The following ERCC3 variants were observed in gnomAD, a reference collection of about 807,000 sequenced individuals.
ERCC3 encodes the protein general transcription and DNA repair factor IIH helicase/translocase subunit XPB.
A neutral mutation model predicts 94.2 loss-of-function variants in ERCC3; 66 were observed. That is an observed-to-expected ratio of 0.70 (90% CI 0.57 to 0.86). ERCC3 has a LOEUF of 0.86. Among genes scored for constraint, ERCC3 ranks in the 40% least tolerant of loss-of-function variants. The pLI is 0.00. For missense variants in ERCC3, 829 were observed against 987.1 expected, an observed-to-expected ratio of 0.84 and a Z score of 2.15; for synonymous variants, 349 against 369.1, an observed-to-expected ratio of 0.95 and a Z score of 0.63.
chr2:127,273,346 T>C (rs140981638), intron 10 of ERCC3, among the ~76,000 whole-genome samples: 2 of 152,306 alleles, frequency 1.3e-5, no homozygotes, highest in East Asian at 3.9e-4. Flanking sequence ...AAGCAACTGT[T>C]TGCCAAGACA....
At chr2:127,273,016 A>G in intron 10 of ERCC3, 55 bp from the exon 11 acceptor site, 1 of 1,128,070 alleles carries the variant, frequency 8.9e-7, no homozygotes, top group Non-Finnish European at 1.4e-6. Flanking sequence ...GTTATCTTGA[A>G]AACACATCAG....
At chr2:127,265,855 T>C (rs1057301881) in intron 12 of ERCC3, among the ~76,000 whole-genome samples, 1 of 152,246 alleles carries the variant, frequency 6.6e-6, no homozygotes, top group Non-Finnish European at 1.5e-5. Context: ...TGTTCTTATT[T>C]TTCTAGTTCC....
rs140023882 is a variant in ERCC3 at position 127,257,706 on chromosome 2, T to G, written c.2239A>C (p.Met747Leu). 2.5e-6 allele frequency: 4 copies of G among 1,614,188 alleles called. No homozygotes were observed. Among genetic ancestry groups the G allele is most frequent in the Non-Finnish European group, 3.4e-6 (4 of 1,180,026 alleles). ...SSQASRRFGT[M>L]SSMSGADDTV... ...TCGTCGGCCCCAGACATAGAACTCA[T>G]GGTGCCAAAGCGCCGAGATGCCTGC... is the stretch of plus-strand genomic sequence containing the variant. Residue 747 changes from methionine to leucine, a missense_variant, in exon 15 of 15, where the codon ATG (methionine) becomes CTG (leucine). Coordinates refer to ENST00000285398, the MANE Select transcript of ERCC3 (RefSeq NM_000122.2). This position sits in a 1 kb window ranked among gnomAD's most constrained non-coding sequence, Gnocchi z 5.4.
chr2:127,268,798 T>G (rs539489197), intron 12 of ERCC3, among the ~76,000 whole-genome samples: 1 of 152,358 alleles, frequency 6.6e-6, no homozygotes, highest in South Asian at 2.1e-4. Context: ...CTTAGCAACC[T>G]TAGCATATGA....
chr2:127,285,536 T>C (rs1400702533), intron 8 of ERCC3, among the ~76,000 whole-genome samples: 1 of 151,922 alleles, frequency 6.6e-6, no homozygotes, highest in Non-Finnish European at 1.5e-5. Flanking sequence ...ACTAAAAATA[T>C]AAAATTAGCT....
rs2104782881 is a variant in ERCC3 at position 127,293,551 on chromosome 2, G to A, written c.196C>T (p.Pro66Ser). 1 of 1,614,186 alleles carries A rather than the reference G, an allele frequency of 6.2e-7. No homozygotes were observed. ...CTGGAGGTGTGGTCGTCCTTCAGCG[G>A]CATTTGCAGCCTGTAGTCCTTGGCT... The part of the protein sequence containing the change: ...YGAKDYRLQM[P>S]LKDDHTSRPL... The change falls in exon 2 of 15, where the codon CCG becomes TCG. Residue 66 changes from proline to serine, a missense_variant. Coordinates refer to ENST00000285398, the MANE Select transcript of ERCC3 (RefSeq NM_000122.2).
At chr2:127,265,240 G>A (rs747611335) in intron 12 of ERCC3, among the ~76,000 whole-genome samples, 1 of 152,090 alleles carries the variant, frequency 6.6e-6, no homozygotes. Flanking sequence ...GAAGTTGTAT[G>A]TTTCCAGGAA....
chr2:127,289,763 G>C lies in ERCC3; in HGVS notation c.583C>G (p.Arg195Gly), dbSNP rs138385061. ...IQHLLQDPVI[R>G]ECRLRNSEGE... ...TCAGAGTTTCTTAAGCGGCATTCTC[G>C]GATCACGGGGTCCTGGAGAAGATGC... Residue 195 changes from arginine to glycine, a missense_variant, in exon 5 of 15, where the codon CGA (arginine) becomes GGA (glycine). Arg to Gly is a moderately radical substitution (Grantham distance 125). Coordinates refer to ENST00000285398, the MANE Select transcript of ERCC3 (RefSeq NM_000122.2). 25 of 1,613,946 alleles carry C rather than the reference G, an allele frequency of 1.5e-5. No individual in the cohort carries two copies. The highest frequency in any genetic ancestry group is 1.8e-5 in the Non-Finnish European group (21 of 1,179,992).
Position 127,268,552 on chromosome 2 carries a change from C to T in ERCC3, c.1945+2784G>A, listed in dbSNP as rs1476822147. On this transcript the variant is annotated intron_variant, in intron 12 of 14. Coordinates refer to ENST00000285398, the MANE Select transcript of ERCC3 (RefSeq NM_000122.2). ...TGCTGGGATTACAGGTGTGAGCCGC[C>T]GTGCCCAGCCAGGATTTCTTTTCTT... Among the ~76,000 whole-genome samples the T allele has an allele frequency of 5.3e-5, 8 of 152,260 alleles. No individual in the cohort carries two copies. The East Asian group carries it at 9.7e-4, about 18-fold the overall frequency.
chr2:127,293,549 C>T lies in ERCC3; in HGVS notation c.198G>A (p.Pro66=), dbSNP rs1272535750. Residue 66 remains proline, a synonymous_variant, in exon 2 of 15, where the codon CCG becomes CCA. Coordinates refer to ENST00000285398, the MANE Select transcript of ERCC3 (RefSeq NM_000122.2). Reference sequence around the variant, plus strand: ...GCCTGGAGGTGTGGTCGTCCTTCAGCGGCATTTGCAGCCTGTAGTCCTTGG... The same window carrying T: ...GCCTGGAGGTGTGGTCGTCCTTCAGTGGCATTTGCAGCCTGTAGTCCTTGG... ...YGAKDYRLQM[P]LKDDHTSRPL... is the part of the protein sequence containing the mutation. 3.1e-6 allele frequency: 5 copies of T among 1,614,074 alleles called. No homozygotes were observed. The highest frequency in any genetic ancestry group is 2.2e-5 in the East Asian group (1 of 44,892).
chr2:127,294,076 G>A lies in ERCC3; in HGVS notation c.6C>T (p.Gly2=). The A allele has an allele frequency of 6.2e-7, 1 of 1,608,002 alleles. No individual in the cohort carries two copies. Among genetic ancestry groups the A allele is most frequent in the Non-Finnish European group, 8.5e-7 (1 of 1,179,570 alleles). Residue 2 remains glycine (G), a synonymous_variant, in exon 1 of 15, where the codon GGC becomes GGT. Transcript: ENST00000285398. ...CACCGCGGTCCGCTCGGTCTCTTTT[G>A]CCCATGGCAGCTACAGCAGCAGAGA... M[G]KRDRADRDKK...
rs143773427 is a variant in ERCC3 at position 127,258,224 on chromosome 2, T to G, written c.2218-497A>C. Among the ~76,000 whole-genome samples the G allele has an allele frequency of 2.3e-3, 353 of 152,286 alleles. 1 individual carries two copies. The highest frequency in any genetic ancestry group is 7.7e-3 in the African/African-American group (320 of 41,562). Reference sequence around the variant, plus strand: ...CTGGGATTACAGACATGAGCCACCATGCCTGGCCTGAACAGAATTTTTTAA... The same window carrying G: ...CTGGGATTACAGACATGAGCCACCAGGCCTGGCCTGAACAGAATTTTTTAA... On this transcript the variant is annotated intron_variant, in intron 14 of 14. Coordinates refer to ENST00000285398, the MANE Select transcript of ERCC3 (RefSeq NM_000122.2). This position sits in a 1 kb window ranked among gnomAD's most constrained non-coding sequence, Gnocchi z 4.1.
intron 2 of ERCC3, 126 bp from the exon 3 acceptor site, chr2:127,292,972 C>G: frequency 2.8e-6 from 2 of 712,006 alleles, no homozygotes; most frequent in Admixed American, 2.0e-5. Context: ...TGCAAGCACT[C>G]CTTCAGACAA....
intron 12 of ERCC3, among the ~76,000 whole-genome samples, chr2:127,270,647 T>C (rs1055545904): frequency 1.3e-5 from 2 of 152,236 alleles, no homozygotes; most frequent in African/African-American, 2.4e-5. Context: ...TCCTTGAGGA[T>C]AGGGCTTGTG....
In ERCC3 at chr2:127,258,130, G is replaced by T. The variant is rs181561416; in HGVS notation, c.2218-403C>A. 9.9e-5 allele frequency among the ~76,000 whole-genome samples: 15 copies of T among 152,074 alleles called. No homozygotes were observed. The East Asian group carries it at 2.7e-3, about 27-fold the overall frequency. On this transcript the variant is annotated intron_variant, in intron 14 of 14. Transcript: ENST00000285398. This position sits in a 1 kb window ranked among gnomAD's most constrained non-coding sequence, Gnocchi z 4.1. ...TTTTTTAAGAGAGAAACAGGGTCTC[G>T]ATATGTTGACCATGCTGGTCTCAAA...
intron 12 of ERCC3, 186 bp from the exon 13 acceptor site, chr2:127,261,532 T>A: frequency 3.2e-6 from 2 of 629,392 alleles, no homozygotes; most frequent in Admixed American, 5.3e-5. Flanking sequence ...AAGGACACCA[T>A]CAAGTGAAAA....
rs759450760 is a variant in ERCC3 at position 127,289,408 on chromosome 2, A to G, written c.751T>C (p.Phe251Leu). The G allele has an allele frequency of 5.6e-6, 9 of 1,613,394 alleles. No homozygotes were observed. In the African/African-American group the frequency reaches 1.1e-4, roughly 19 times the overall value. ...TCATCCTTGTCCATTTGCTCATAGAAGTCAAACAGGTCCATGGGGATGTCA... is the reference window on the plus strand; with the variant it reads ...TCATCCTTGTCCATTTGCTCATAGAGGTCAAACAGGTCCATGGGGATGTCA... Reference protein sequence around the residue: ...KSDIPMDLFDFYEQMDKDEEE... With the variant: ...KSDIPMDLFDLYEQMDKDEEE... The change falls in exon 6 of 15, where the codon TTC (phenylalanine) becomes CTC (leucine). Residue 251 changes from phenylalanine to leucine, a missense_variant. Transcript: ENST00000285398.
chr2:127,275,393 C>T (rs1684704030), intron 10 of ERCC3, among the ~76,000 whole-genome samples: 1 of 152,022 alleles, frequency 6.6e-6, no homozygotes, highest in South Asian at 2.1e-4. Context: ...CATTTAAAGG[C>T]CAGAGACACA....
At chr2:127,269,028 T>C (rs749061290) in intron 12 of ERCC3, among the ~76,000 whole-genome samples, 1 of 152,212 alleles carries the variant, frequency 6.6e-6, no homozygotes, top group Non-Finnish European at 1.5e-5. Flanking sequence ...AATTTAAGCA[T>C]GAATATGCCG....
Sources: gnomAD v4.1 joint callset for allele counts (sites outside exome capture counted in the v4.1 genomes callset) on GRCh38, gnomAD v4.1.1 for gene constraint, Gnocchi (gnomAD v3.1) non-coding constraint, MANE v1.5 for transcripts, NCBI Gene and HGNC (gene_info 2026-07-23, HGNC 2026-07-21) for gene names.